Variants in LRRTM4 observed in about 807,000 individuals in gnomAD.
LRRTM4 encodes the protein leucine-rich repeat transmembrane neuronal protein 4.
Under a neutral mutation model 47.6 loss-of-function variants are expected in LRRTM4, and 25 were observed. The ratio of observed to expected loss-of-function variants is 0.53; its 90% confidence interval spans 0.38 to 0.73. LRRTM4 has a LOEUF of 0.73. LRRTM4 is among the 30% of genes least tolerant of loss of function. The pLI is 0.00. For missense variants in LRRTM4, 638 were observed against 713.4 expected, an observed-to-expected ratio of 0.89 and a Z score of 1.20; for synonymous variants, 311 against 269.5, an observed-to-expected ratio of 1.15 and a Z score of -1.51.
intron 3 of LRRTM4, among the ~76,000 whole-genome samples, chr2:76,919,042 G>C (rs76433002): frequency 6.6e-6 from 1 of 152,252 alleles, no homozygotes; most frequent in East Asian, 1.9e-4. Flanking sequence ...GAAACTAGGT[G>C]CCAGATTCTA....
chr2:77,405,395 C>T (rs991086042), intron 3 of LRRTM4, among the ~76,000 whole-genome samples: 1 of 152,070 alleles, frequency 6.6e-6, no homozygotes, highest in African/African-American at 2.4e-5. Flanking sequence ...ACCATCCTAA[C>T]CCTTTAAAAC....
rs1461583270 is a variant in LRRTM4 at position 76,807,452 on chromosome 2, A to G, written c.1552-58536T>C. On this transcript the variant is annotated intron_variant, in intron 3 of 3. Transcript: ENST00000409884. ...TATATATATACGTATATACATATAT[A>G]TATATACATATATATATACATATAT... is the stretch of plus-strand genomic sequence containing the variant. 2.0e-5 allele frequency among the ~76,000 whole-genome samples: 2 copies of G among 101,580 alleles called. 1 individual carries two copies. The highest frequency in any genetic ancestry group is 3.5e-5 in the Non-Finnish European group (2 of 56,882). 66.6% of individuals were successfully genotyped at this position (101,580 alleles called of 152,430 possible). A position where few individuals can be genotyped will look rare whatever the true frequency, so the allele number is the denominator to read the frequency against.
At chr2:77,037,973 T>C (rs1160828848) in intron 3 of LRRTM4, among the ~76,000 whole-genome samples, 1 of 151,624 alleles carries the variant, frequency 6.6e-6, no homozygotes, top group Admixed American at 6.6e-5. Context: ...GAGCACAAGC[T>C]CACACACTTT....
intron 3 of LRRTM4, among the ~76,000 whole-genome samples, chr2:77,291,601 A>G (rs1243838411): frequency 6.6e-6 from 1 of 152,126 alleles, no homozygotes; most frequent in Non-Finnish European, 1.5e-5. Context: ...ATAAGAGAAA[A>G]CTGAAAATCT....
At chr2:77,045,302 A>C (rs1477948736) in intron 3 of LRRTM4, among the ~76,000 whole-genome samples, 1 of 151,904 alleles carries the variant, frequency 6.6e-6, no homozygotes, top group Non-Finnish European at 1.5e-5. Flanking sequence ...CTCAGTTTCA[A>C]CAGTTGTCTT....
chr2:77,133,218 T>C (rs1485781636), intron 3 of LRRTM4, among the ~76,000 whole-genome samples: 10 of 152,292 alleles, frequency 6.6e-5, no homozygotes, highest in African/African-American at 2.2e-4. Flanking sequence ...TTCAATTATC[T>C]ACAACAGAGA....
chr2:77,422,711 G>A (rs536814963), intron 3 of LRRTM4, among the ~76,000 whole-genome samples: 2 of 152,082 alleles, frequency 1.3e-5, no homozygotes, highest in Non-Finnish European at 2.9e-5. Context: ...TTTTTTAAAA[G>A]CATTCTCCTG....
intron 3 of LRRTM4, among the ~76,000 whole-genome samples, chr2:77,483,571 C>A (rs1002017846): frequency 5.1e-4 from 77 of 152,112 alleles, no homozygotes; most frequent in African/African-American, 1.8e-3. Flanking sequence ...GAGCCACGGA[C>A]CTCAGGTGAT....
chr2:76,876,105 G>C (rs940270992), intron 3 of LRRTM4, among the ~76,000 whole-genome samples: 3 of 151,978 alleles, frequency 2.0e-5, no homozygotes, highest in Non-Finnish European at 4.4e-5. Flanking sequence ...CTTGAGGTAA[G>C]AATTACATAC....
chr2:77,088,686 G>T (rs185477710), intron 3 of LRRTM4, among the ~76,000 whole-genome samples: 6 of 152,110 alleles, frequency 3.9e-5, no homozygotes, highest in South Asian at 2.1e-4. Context: ...ATTTGGTGCC[G>T]TGACTTGGAT....
chr2:76,785,238 G>A (rs1674610387), intron 3 of LRRTM4, among the ~76,000 whole-genome samples: 2 of 152,124 alleles, frequency 1.3e-5, no homozygotes, highest in Admixed American at 6.6e-5. Flanking sequence ...CTGATTTGCA[G>A]TACTTGTATT....
At chr2:76,983,731 AATG>A (rs1389363945) in intron 3 of LRRTM4, among the ~76,000 whole-genome samples, 2 of 152,108 alleles carry the variant, frequency 1.3e-5, no homozygotes, top group African/African-American at 4.8e-5. Context: ...CACAGAAAGA[AATG>A]ATGTGGATCG....
At chr2:76,891,314 C>T (rs1673247599) in intron 3 of LRRTM4, among the ~76,000 whole-genome samples, 1 of 151,672 alleles carries the variant, frequency 6.6e-6, no homozygotes, top group Non-Finnish European at 1.5e-5. Context: ...AAAGAATTAC[C>T]TGTTGTTATT....
At chr2:77,479,996 C>T (rs1677607428) in intron 3 of LRRTM4, among the ~76,000 whole-genome samples, 1 of 152,050 alleles carries the variant, frequency 6.6e-6, no homozygotes, top group African/African-American at 2.4e-5. Flanking sequence ...TTTACCATTG[C>T]TCTCAGCCTA....
chr2:77,004,669 C>A (rs113581399), intron 3 of LRRTM4, among the ~76,000 whole-genome samples: 1 of 152,226 alleles, frequency 6.6e-6, no homozygotes, highest in Non-Finnish European at 1.5e-5. Flanking sequence ...CACCGTCCTC[C>A]AGACCCTAGA....
At chr2:77,414,710 G>A (rs1674572292) in intron 3 of LRRTM4, among the ~76,000 whole-genome samples, 1 of 152,194 alleles carries the variant, frequency 6.6e-6, no homozygotes, top group African/African-American at 2.4e-5. Context: ...CAAAAGTGAA[G>A]GCTGTAGTGT....
chr2:76,812,776 C>CCCTCCCCCCCTCCCTCCCCCCTT (rs1670780214), intron 3 of LRRTM4, among the ~76,000 whole-genome samples: 1 of 85,636 alleles, frequency 1.2e-5, no homozygotes, highest in Admixed American at 1.4e-4. Context: ...CTCTCCCTCC[C>CCCTCCCCCCCTCCCTCCCCCCTT]CCTCCTCCTC....
At chr2:77,167,885 G>A (rs1672933188) in intron 3 of LRRTM4, among the ~76,000 whole-genome samples, 1 of 152,048 alleles carries the variant, frequency 6.6e-6, no homozygotes. Context: ...GACCAACATA[G>A]CACATGTATA....
intron 3 of LRRTM4, among the ~76,000 whole-genome samples, chr2:77,289,236 TACA>T (rs368490290): frequency 7.4e-4 from 112 of 152,082 alleles, no homozygotes; most frequent in African/African-American, 2.5e-3. Context: ...TTTTTTTTGT[TACA>T]ACAATATGTC....
Sources: gnomAD v4.1 joint callset for allele counts (sites outside exome capture counted in the v4.1 genomes callset) on GRCh38, gnomAD v4.1.1 for gene constraint, MANE v1.5 for transcripts, NCBI Gene and HGNC (gene_info 2026-07-23, HGNC 2026-07-21) for gene names.